OR51B5: variants seen among roughly 807,000 people sequenced by gnomAD.
OR51B5 encodes the protein olfactory receptor 51B5.
For synonymous variants in OR51B5, 186 were observed against 144.8 expected, an observed-to-expected ratio of 1.28 and a Z score of -2.04; for missense variants, 456 against 374.6, an observed-to-expected ratio of 1.22 and a Z score of -1.79.
At chr11:5,468,914 A>C (rs1173809876) in intron 1 of OR51B5, 4 of 361,880 alleles carry the variant, frequency 1.1e-5, no homozygotes, top group African/African-American at 8.5e-5. Context: ...GGCCTTACAG[A>C]AAGGCAGTCT....
chr11:5,402,649 T>C (rs143144299), intron 1 of OR51B5: 365 of 471,300 alleles, frequency 7.7e-4, no homozygotes, highest in African/African-American at 6.5e-3. Flanking sequence ...TTCATTTTGG[T>C]TGGCATCCCA....
At chr11:5,377,343 C>T (rs897444642) in intron 1 of OR51B5, among the ~76,000 whole-genome samples, 10 of 152,268 alleles carry the variant, frequency 6.6e-5, no homozygotes, top group Middle Eastern at 3.4e-3. Context: ...GACAAACCCA[C>T]AGCCAATATC....
At chr11:5,401,215 G>A (rs566902066) in intron 1 of OR51B5, among the ~76,000 whole-genome samples, 31 of 152,196 alleles carry the variant, frequency 2.0e-4, no homozygotes, top group Non-Finnish European at 2.9e-4. Flanking sequence ...TGTTGTTGCC[G>A]TAGTGTATTC....
chr11:5,452,999 C>G (rs1231002117), intron 1 of OR51B5, among the ~76,000 whole-genome samples: 1 of 150,218 alleles, frequency 6.7e-6, no homozygotes, highest in African/African-American at 2.5e-5. Context: ...AAAACTTGCT[C>G]TGGGAAAGTC....
At chr11:5,469,613 A>C (rs568213962) in intron 1 of OR51B5, among the ~76,000 whole-genome samples, 33 of 152,272 alleles carry the variant, frequency 2.2e-4, no homozygotes, top group Admixed American at 5.2e-4. Flanking sequence ...GCCTGGCAGC[A>C]CCCTTAGATC....
At chr11:5,478,085 T>G (rs1279679939) in intron 1 of OR51B5, among the ~76,000 whole-genome samples, 2 of 151,834 alleles carry the variant, frequency 1.3e-5, no homozygotes, top group Non-Finnish European at 2.9e-5. Flanking sequence ...AAGACAGCAG[T>G]AACCTCTGCA....
chr11:5,454,993 CACT>C (rs1242786827), intron 1 of OR51B5: 4 of 152,470 alleles, frequency 2.6e-5, no homozygotes, highest in Non-Finnish European at 5.9e-5. Context: ...CTTTCCCCAC[CACT>C]GTCATTCTCA....
downstream of OR51B5, chr11:5,340,777 A>T (rs974559735): frequency 3.3e-5 from 5 of 152,188 alleles, no homozygotes; most frequent in Non-Finnish European, 7.4e-5. Context: ...ATGCCCTTGG[A>T]GGGAATATTT....
chr11:5,349,662 G>C lies in OR51B5; in HGVS notation n.85-2752C>G, dbSNP rs181320320. ...ATAAAACAATAAGTTATATACCTAT[G>C]TACAATTTTTATTTGCCATACTGCT... On this transcript the variant is annotated intron_variant and non_coding_transcript_variant, in intron 1 of 4. Transcript: ENST00000415970. Among the ~76,000 whole-genome samples, 357 of 152,200 alleles carry C rather than the reference G, an allele frequency of 2.3e-3. 1 individual carries two copies. Among genetic ancestry groups the C allele is most frequent in the African/African-American group, 8.1e-3 (338 of 41,536 alleles).
At chr11:5,416,941 T>C (rs1850253748) in intron 1 of OR51B5, among the ~76,000 whole-genome samples, 1 of 149,608 alleles carries the variant, frequency 6.7e-6, no homozygotes, top group Admixed American at 6.7e-5. Context: ...AAAGTTCATA[T>C]GGAACCAAAA....
At chr11:5,376,876 G>C (rs1849536756) in intron 1 of OR51B5, among the ~76,000 whole-genome samples, 1 of 147,312 alleles carries the variant, frequency 6.8e-6, no homozygotes, top group Non-Finnish European at 1.5e-5. Flanking sequence ...AATTCTAACA[G>C]AGGTACAAGG....
rs1376717518 is a variant in OR51B5 at position 5,383,636 on chromosome 11, C to A, written n.85-36726G>T. Among the ~76,000 whole-genome samples the A allele has an allele frequency of 2.0e-5, 3 of 152,236 alleles. No homozygotes were observed. The East Asian group carries it at 5.8e-4, about 29-fold the overall frequency. ...TTTGTTGCAGCAGATGTCTGTGTAG[C>A]CAAAACCTGGGGACTGAATGCTAAA... On this transcript the variant is annotated intron_variant and non_coding_transcript_variant, in intron 1 of 4. Coordinates refer to the OR51B5 transcript ENST00000415970.
At position 5,428,246 on chromosome 11, in the gene OR51B5, A is replaced by C. The variant is rs1850478849; in HGVS notation, n.84+77323T>G. On this transcript the variant is annotated intron_variant and non_coding_transcript_variant, in intron 1 of 4. Coordinates refer to the OR51B5 transcript ENST00000415970. ...TTGGAGATAATATGGGTACAGTTCC[A>C]GACTGCCACAATAAAGTGAATATTG... Among the ~76,000 whole-genome samples the C allele has an allele frequency of 1.3e-5, 2 of 151,968 alleles. 1 individual carries two copies. Among genetic ancestry groups the C allele is most frequent in the South Asian group, 4.2e-4 (2 of 4,808 alleles).
intron 1 of OR51B5, among the ~76,000 whole-genome samples, chr11:5,444,662 T>C (rs1850736449): frequency 6.6e-6 from 1 of 152,186 alleles, no homozygotes; most frequent in South Asian, 2.1e-4. Flanking sequence ...TGGGTACAGC[T>C]GGCAGTGGCA....
At chr11:5,398,423 C>G (rs956979431) in intron 1 of OR51B5, among the ~76,000 whole-genome samples, 3 of 152,024 alleles carry the variant, frequency 2.0e-5, no homozygotes, top group Non-Finnish European at 1.5e-5. Context: ...CTCTGATCAG[C>G]TTTTTCAAAA....
chr11:5,342,441 G>GA, downstream of OR51B5: 1 of 1,008,424 alleles, frequency 9.9e-7, no homozygotes, highest in South Asian at 2.1e-5. Flanking sequence ...GGCTTAAAGA[G>GA]ATACCTTAGG....
intron 1 of OR51B5, among the ~76,000 whole-genome samples, chr11:5,366,457 A>T (rs999133920): frequency 6.6e-6 from 1 of 152,076 alleles, no homozygotes; most frequent in African/African-American, 2.4e-5. Flanking sequence ...AAATACAAAA[A>T]AATTAGCAGG....
At chr11:5,480,046 C>A (rs1003792140) in intron 1 of OR51B5, among the ~76,000 whole-genome samples, 1 of 151,884 alleles carries the variant, frequency 6.6e-6, no homozygotes, top group Non-Finnish European at 1.5e-5. Flanking sequence ...CACCCCAAAT[C>A]AACAGAATAT....
chr11:5,377,511 A>C (rs1463933831), intron 1 of OR51B5, among the ~76,000 whole-genome samples: 1 of 152,128 alleles, frequency 6.6e-6, no homozygotes. Flanking sequence ...AGAAAAGAGG[A>C]AGTCAAATTG....
Sources: allele counts gnomAD v4.1 joint callset (sites outside exome capture counted in the v4.1 genomes callset), GRCh38; gene constraint gnomAD v4.1.1; transcripts MANE v1.5; gene names NCBI Gene and HGNC (gene_info 2026-07-23, HGNC 2026-07-21).